Variants in GYPC observed in about 807,000 individuals in gnomAD.
The protein encoded by GYPC is glycophorin C (Gerbich blood group).
In GYPC, 14 loss-of-function variants were observed where a neutral mutation model predicts 12.6. The ratio of observed to expected loss-of-function variants is 1.11; its 90% confidence interval spans 0.74 to 1.74. The LOEUF (loss-of-function observed/expected upper bound fraction) is 1.74. GYPC is among the 40% of genes most tolerant of loss of function. GYPC has a pLI of 0.00. For synonymous variants in GYPC, 78 were observed against 62.1 expected (o/e 1.26, Z -1.20); for missense variants, 225 against 172.1 (o/e 1.31, Z -1.72).
At chr2:126,686,354 T>C in intron 1 of GYPC, 1 of 985,724 alleles carries the variant, frequency 1.0e-6, no homozygotes, top group Non-Finnish European at 1.2e-6. Context: ...TGTGCCTGTG[T>C]GCCCCGCTGC....
At chr2:126,693,641 G>T (rs561876063) in intron 2 of GYPC, among the ~76,000 whole-genome samples, 1 of 152,288 alleles carries the variant, frequency 6.6e-6, no homozygotes, top group Admixed American at 6.5e-5. Flanking sequence ...TGACCTGGTG[G>T]TTCAGGTTCA....
At chr2:126,695,038 G>A (rs1352621373) in intron 3 of GYPC, among the ~76,000 whole-genome samples, 1 of 152,124 alleles carries the variant, frequency 6.6e-6, no homozygotes, top group Admixed American at 6.5e-5. Flanking sequence ...AGTCCTTTGT[G>A]TGGCCAAGTC....
chr2:126,656,816 T>C lies in GYPC; in HGVS notation c.49+504T>C, dbSNP rs1267463985. On this transcript the variant is annotated intron_variant, in intron 1 of 3. Coordinates refer to ENST00000259254, the MANE Select transcript of GYPC (RefSeq NM_002101.5). ...AAGGCACACAGATGCGAGGGAATCC[T>C]GCGGCCTGGATCCTTTGGGGATTTG... Among the ~76,000 whole-genome samples, 55 of 152,238 alleles carry C rather than the reference T, an allele frequency of 3.6e-4. 1 individual carries two copies. The highest frequency in any genetic ancestry group is 2.9e-5 in the Non-Finnish European group (2 of 68,044).
chr2:126,671,057 G>A (rs991243662), intron 1 of GYPC, among the ~76,000 whole-genome samples: 3 of 152,134 alleles, frequency 2.0e-5, no homozygotes, highest in Non-Finnish European at 4.4e-5. Flanking sequence ...CCCGTGAGTG[G>A]ATGGGAAGCC....
rs28387188 is a variant in GYPC at position 126,685,537 on chromosome 2, A to C, written c.50-4718A>C. Among the ~76,000 whole-genome samples the C allele has an allele frequency of 1.1e-3, 170 of 152,268 alleles. 1 individual carries two copies. The highest frequency in any genetic ancestry group is 3.8e-3 in the African/African-American group (157 of 41,556). Reference sequence around the variant, plus strand: ...GTAGCTGGGATTACAGGCACCCGCCAGCATGCCCAACTAATTTTTGTATTT... The same window carrying C: ...GTAGCTGGGATTACAGGCACCCGCCCGCATGCCCAACTAATTTTTGTATTT... On this transcript the variant is annotated intron_variant, in intron 1 of 3. Coordinates refer to ENST00000259254, the MANE Select transcript of GYPC (RefSeq NM_002101.5).
At chr2:126,684,039 T>C (rs990159904) in intron 1 of GYPC, among the ~76,000 whole-genome samples, 7 of 152,178 alleles carry the variant, frequency 4.6e-5, no homozygotes, top group Admixed American at 2.6e-4. Context: ...CAGCAGCAGA[T>C]AAGACCGGAT....
chr2:126,693,469 T>G (rs111479968), intron 2 of GYPC, among the ~76,000 whole-genome samples: 3 of 152,298 alleles, frequency 2.0e-5, no homozygotes, highest in African/African-American at 7.2e-5. Flanking sequence ...CAAAATGGAC[T>G]GAGACACCTG....
intron 3 of GYPC, among the ~76,000 whole-genome samples, chr2:126,695,198 A>G (rs1030547288): frequency 6.6e-6 from 1 of 152,186 alleles, no homozygotes; most frequent in African/African-American, 2.4e-5. Flanking sequence ...TTCCCCCTGT[A>G]TAGTGTACAT....
chr2:126,690,144 C>T (rs1212672188), intron 1 of GYPC, 111 bp from the exon 2 acceptor site: 1 of 812,258 alleles, frequency 1.2e-6, no homozygotes, highest in Non-Finnish European at 2.2e-6. Flanking sequence ...TCCACTTGAA[C>T]CCATTCTCAG....
chr2:126,696,284 T>A lies in GYPC; in HGVS notation c.*142T>A. 1.4e-6 allele frequency: 1 copy of A among 726,890 alleles called. No individual in the cohort carries two copies. Among genetic ancestry groups the A allele is most frequent in the Non-Finnish European group, 2.5e-6 (1 of 407,346 alleles). 45.0% of individuals were successfully genotyped at this position (726,890 alleles called of 1,614,324 possible). A position where few individuals can be genotyped will look rare whatever the true frequency, so the allele number is the denominator to read the frequency against. On this transcript the variant is annotated 3_prime_UTR_variant, in exon 4 of 4. Transcript: ENST00000259254. ...TCCCGAGATAGCCACCTGGAAACAC[T>A]AGGTGCCTGCCCAGGGAGGAACGGA...
At chr2:126,668,704 A>G (rs764140326) in intron 1 of GYPC, among the ~76,000 whole-genome samples, 2 of 152,242 alleles carry the variant, frequency 1.3e-5, no homozygotes, top group African/African-American at 4.8e-5. Context: ...GCAAGCAATT[A>G]CTAATCACTT....
chr2:126,694,471 C>T (rs866102915), intron 3 of GYPC, among the ~76,000 whole-genome samples: 32 of 152,100 alleles, frequency 2.1e-4, no homozygotes, highest in African/African-American at 5.8e-4. Context: ...GTGTGCTCTG[C>T]GACCTTCTTT....
intron 1 of GYPC, among the ~76,000 whole-genome samples, chr2:126,667,733 C>A (rs1397701533): frequency 1.3e-5 from 2 of 151,494 alleles, no homozygotes; most frequent in Non-Finnish European, 1.5e-5. Context: ...TCCAAGTCTG[C>A]AGGGACCTCT....
rs965926559 is a variant in GYPC, at chr2:126,656,435, G to A, written c.49+123G>A. ...CCGGTCCGTGCCGGGCCTCCAGGCG[G>A]AGGAGGCGTCCGCTGGGCTCAGATC... On this transcript the variant is annotated intron_variant, in intron 1 of 3. Transcript: ENST00000259254. 19 of 797,136 alleles carry A rather than the reference G, an allele frequency of 2.4e-5. No homozygotes were observed. The Admixed American group carries it at 4.1e-4, about 17-fold the overall frequency. The allele number at this position is 797,136 out of a possible 1,614,324, so 49.4% of individuals were successfully genotyped here.
rs1212361060 is a variant in GYPC, at chr2:126,696,621, A to T, written c.*479A>T. On this transcript the variant is annotated 3_prime_UTR_variant, in exon 4 of 4. Transcript: ENST00000259254. ...GAGCTAAAAGGTACCTTTGTCTGCC[A>T]TTGATCCAGCTCAGAACGATTGGAA... 4.0e-6 allele frequency: 1 copy of T among 248,164 alleles called. No individual in the cohort carries two copies. The highest frequency in any genetic ancestry group is 1.0e-4 in the East Asian group (1 of 9,910). The allele number at this position is 248,164 out of a possible 1,614,324, so 15.4% of individuals were successfully genotyped here.
At chr2:126,673,881 A>G (rs1014737282) in intron 1 of GYPC, among the ~76,000 whole-genome samples, 2 of 152,158 alleles carry the variant, frequency 1.3e-5, no homozygotes, top group African/African-American at 4.8e-5. Flanking sequence ...ATCCAGGAGG[A>G]TCAGCCTCTT....
chr2:126,680,372 A>ACAACC lies in GYPC; in HGVS notation c.50-9881_50-9877dup, dbSNP rs1342119297. On this transcript the variant is annotated intron_variant, in intron 1 of 3. Coordinates refer to ENST00000259254, the MANE Select transcript of GYPC (RefSeq NM_002101.5). ...CCTCCATGAGCCCAAAATCCAAGGG[A>ACAACC]CAACCCGGAGCCTCCCCTCAAATAA... 4.6e-5 allele frequency: 7 copies of ACAACC among 152,194 alleles called. No individual in the cohort carries two copies. The South Asian group carries it at 8.3e-4, about 18-fold the overall frequency. The allele number at this position is 152,194 out of a possible 1,614,324, so 9.4% of individuals were successfully genotyped here. A position where few individuals can be genotyped will look rare whatever the true frequency, so the allele number is the denominator to read the frequency against.
At chr2:126,669,465 CAAGGAAGAACAGAGTATCCTCTCCCAA>C (rs765439343) in intron 1 of GYPC, among the ~76,000 whole-genome samples, 11 of 152,190 alleles carry the variant, frequency 7.2e-5, no homozygotes, top group Non-Finnish European at 1.6e-4. Flanking sequence ...TGGGGAGTTT[CAAGGAAGAACAGAGTATCCTCTCCCAA>C]AAGGAGGGAG....
Position 126,690,266 on chromosome 2 carries a change from G to C in GYPC, c.61G>C (p.Gly21Arg), listed in dbSNP as rs753295386. The C allele has an allele frequency of 1.2e-6, 2 of 1,612,742 alleles. No homozygotes were observed. The highest frequency in any genetic ancestry group is 1.1e-5 in the South Asian group (1 of 91,056). The change falls in exon 2 of 4, where the codon GGG becomes CGG. Residue 21 changes from glycine (G) to arginine (R), a missense_variant. Coordinates refer to ENST00000259254, the MANE Select transcript of GYPC (RefSeq NM_002101.5). The part of the protein sequence containing the change: ...AWPLSLEPDP[G>R]MASASTTMHT... Reference sequence around the variant, plus strand: ...TCCTCTGTTCACAGAGCCTGATCCGGGGATGGCCTCTGCCTCCACCACAAT... The same window carrying C: ...TCCTCTGTTCACAGAGCCTGATCCGCGGATGGCCTCTGCCTCCACCACAAT...
Sources: allele counts gnomAD v4.1 joint callset (sites outside exome capture counted in the v4.1 genomes callset), GRCh38; gene constraint gnomAD v4.1.1; transcripts MANE v1.5; gene names NCBI Gene and HGNC (gene_info 2026-07-23, HGNC 2026-07-21).